The following TMC5 variants were observed in gnomAD, a reference collection of about 807,000 sequenced individuals.
The protein encoded by TMC5 is transmembrane channel-like protein 5.
In TMC5, 86 loss-of-function variants were observed where a neutral mutation model predicts 110.5. The observed-to-expected ratio is 0.78, with a 90% CI of 0.65 to 0.93. The LOEUF (loss-of-function observed/expected upper bound fraction) is 0.93, where lower values mean the gene tolerates loss of function less well. TMC5 is among the 40% of genes least tolerant of loss of function. The pLI, the probability that TMC5 is intolerant of heterozygous loss-of-function variation, is 0.00. For synonymous variants in TMC5, 455 were observed against 439.5 expected (o/e 1.04, Z -0.44); for missense variants, 1,144 against 1,222.8 (o/e 0.94, Z 0.96).
intron 9 of TMC5, 135 bp downstream of exon 9, chr16:19,466,368 C>G: frequency 1.0e-6 from 1 of 976,722 alleles, no homozygotes; most frequent in South Asian, 1.7e-5. Context: ...TCTTTTCTTT[C>G]TTAGATAGAG....
At chr16:19,496,013 T>C (rs1969043206) in intron 20 of TMC5, among the ~76,000 whole-genome samples, 1 of 151,828 alleles carries the variant, frequency 6.6e-6, no homozygotes, top group Non-Finnish European at 1.5e-5. Flanking sequence ...AAAACTTAGC[T>C]GGGTGTTGTG....
At chr16:19,421,617 C>G (rs1966984025) in intron 1 of TMC5, among the ~76,000 whole-genome samples, 1 of 152,118 alleles carries the variant, frequency 6.6e-6, no homozygotes. Context: ...ATTTTTGGCC[C>G]CCTTTAAATT....
chr16:19,470,266 G>A (rs1968303815), intron 10 of TMC5, among the ~76,000 whole-genome samples: 1 of 151,068 alleles, frequency 6.6e-6, no homozygotes, highest in African/African-American at 2.4e-5. Context: ...TTGGCTCACT[G>A]CAACCTCTGC....
chr16:19,434,107 TTA>T (rs1555479987), intron 2 of TMC5, among the ~76,000 whole-genome samples: 3 of 113,458 alleles, frequency 2.6e-5, no homozygotes, highest in East Asian at 2.3e-4. Context: ...AATATATATA[TTA>T]TATATATATC....
At chr16:19,478,774 A>G (rs561296137) in intron 13 of TMC5, among the ~76,000 whole-genome samples, 1 of 151,688 alleles carries the variant, frequency 6.6e-6, no homozygotes, top group Non-Finnish European at 1.5e-5. Context: ...ATCCATCTAT[A>G]TACCCATCTA....
intron 21 of TMC5, 41 bp from the exon 22 acceptor site, chr16:19,497,879 A>G: frequency 6.2e-7 from 1 of 1,601,280 alleles, no homozygotes; most frequent in Non-Finnish European, 8.6e-7. Flanking sequence ...GATGGGGCAG[A>G]GTGTGCCTGC....
At chr16:19,433,916 G>A (rs1180387408) in intron 2 of TMC5, among the ~76,000 whole-genome samples, 1 of 146,552 alleles carries the variant, frequency 6.8e-6, no homozygotes, top group African/African-American at 2.5e-5. Flanking sequence ...AGCCTTCTTG[G>A]CTCAAGCGAT....
intron 1 of TMC5, among the ~76,000 whole-genome samples, chr16:19,422,326 C>G (rs1034623140): frequency 4.0e-5 from 6 of 151,884 alleles, no homozygotes; most frequent in Admixed American, 3.9e-4. Flanking sequence ...ATTTGCTTTT[C>G]TGCTTCCCTG....
At chr16:19,435,991 G>A (rs1967335286) in intron 2 of TMC5, among the ~76,000 whole-genome samples, 1 of 152,094 alleles carries the variant, frequency 6.6e-6, no homozygotes, top group Non-Finnish European at 1.5e-5. Context: ...GCCAGGCACG[G>A]TGGCTCACGT....
chr16:19,439,432 C>T (rs1237596724), intron 2 of TMC5, among the ~76,000 whole-genome samples: 4 of 152,120 alleles, frequency 2.6e-5, no homozygotes, highest in African/African-American at 9.7e-5. Context: ...TTCACTGGTC[C>T]CCTCCCCCAT....
Position 19,466,144 on chromosome 16 carries a change from G to C in TMC5, c.1548G>C (p.Gly516=). 1 of 1,614,118 alleles carries C rather than the reference G, an allele frequency of 6.2e-7. No individual in the cohort carries two copies. The highest frequency in any genetic ancestry group is 1.7e-4 in the Middle Eastern group (1 of 6,060). The part of the protein sequence containing the change: ...GFYTNSTIQH[G]NSGASYNMQL... ...ACACCAATTCCACCATCCAGCACGG[G>C]AACAGCGGGGCATCCTACAACATGC... is the stretch of plus-strand genomic sequence containing the variant. Residue 516 remains glycine, a synonymous_variant, in exon 9 of 22, where the codon GGG becomes GGC. Transcript: ENST00000542583.
intron 2 of TMC5, among the ~76,000 whole-genome samples, chr16:19,432,536 G>A (rs57766039): frequency 0.18 from 27,297 of 152,188 alleles, 2,486 homozygotes; most frequent in Middle Eastern, 0.22. Flanking sequence ...GAAGCTAAGG[G>A]TAAGGTTCTC....
intron 19 of TMC5, among the ~76,000 whole-genome samples, chr16:19,493,176 G>T (rs931991391): frequency 2.6e-5 from 4 of 151,096 alleles, no homozygotes; most frequent in Middle Eastern, 3.4e-3. Flanking sequence ...GGTCAGGCTG[G>T]TCTCAAACTT....
chr16:19,475,313 T>C (rs964328825), intron 12 of TMC5, among the ~76,000 whole-genome samples: 1 of 151,870 alleles, frequency 6.6e-6, no homozygotes, highest in Admixed American at 6.6e-5. Context: ...TCCCAGCTAC[T>C]TGAGAGGCTG....
Position 19,490,491 on chromosome 16 carries a change from C to T in TMC5, c.2670C>T (p.Gly890=). 1 of 1,614,144 alleles carries T rather than the reference C, an allele frequency of 6.2e-7. No individual in the cohort carries two copies. The highest frequency in any genetic ancestry group is 2.2e-5 in the East Asian group (1 of 44,884). Residue 890 remains glycine (G), a synonymous_variant, in exon 18 of 22, where the codon GGC becomes GGT. Coordinates refer to ENST00000542583, the MANE Select transcript of TMC5 (RefSeq NM_001261841.2). ...SWIDTLSTRP[G]YLWVVWIYRN... ...TCGACACCCTAAGTACACGGCCTGGCTACCTGTGGGTTGTTTGGATCTATC... is the reference window on the plus strand; with the variant it reads ...TCGACACCCTAAGTACACGGCCTGGTTACCTGTGGGTTGTTTGGATCTATC...
In TMC5 at chr16:19,497,155, G is replaced by A; in HGVS notation, c.2966G>A (p.Gly989Asp). The change falls in exon 21 of 22, where the codon GGC becomes GAC. Residue 989 changes from glycine (G) to aspartate (D), a missense_variant. Coordinates refer to ENST00000542583, the MANE Select transcript of TMC5 (RefSeq NM_001261841.2). ...QGFLHLGEHDGSLDLRSRRSV... is the reference protein window; with the variant it reads ...QGFLHLGEHDDSLDLRSRRSV... ...TTTTTGCATTTGGGGGAACATGATG[G>A]CAGTCTTGGTGAGTAATTAAACTGG... is the stretch of plus-strand genomic sequence containing the variant. 1 of 1,613,882 alleles carries A rather than the reference G, an allele frequency of 6.2e-7. No individual in the cohort carries two copies. The highest frequency in any genetic ancestry group is 8.5e-7 in the Non-Finnish European group (1 of 1,179,870).
At chr16:19,490,295 T>A in intron 17 of TMC5, 100 bp from the exon 18 acceptor site, 1 of 1,196,214 alleles carries the variant, frequency 8.4e-7, no homozygotes, top group Non-Finnish European at 1.2e-6. Context: ...AGGCAAGACT[T>A]GATGTTTTCA....
chr16:19,449,501 G>A, intron 4 of TMC5, 41 bp from the exon 5 acceptor site: 1 of 1,519,434 alleles, frequency 6.6e-7, no homozygotes, highest in Non-Finnish European at 9.1e-7. Context: ...TGTCTAGTGT[G>A]GTGAGACTAA....
At chr16:19,450,339 A>T (rs1452779368) in intron 5 of TMC5, among the ~76,000 whole-genome samples, 1 of 152,212 alleles carries the variant, frequency 6.6e-6, no homozygotes, top group East Asian at 1.9e-4. Flanking sequence ...CACCTAGTAC[A>T]GTGCCTGGCA....
Sources: allele counts gnomAD v4.1 joint callset (sites outside exome capture counted in the v4.1 genomes callset), GRCh38; gene constraint gnomAD v4.1.1; transcripts MANE v1.5; gene names NCBI Gene and HGNC (gene_info 2026-07-23, HGNC 2026-07-21).